BICRA: variants seen among roughly 807,000 people sequenced by gnomAD.
The protein encoded by BICRA is BRD4 interacting chromatin remodeling complex associated protein, also known as BRD4-interacting chromatin-remodeling complex-associated protein.
Under a neutral mutation model 96.9 loss-of-function variants are expected in BICRA, and 31 were observed. That is an observed-to-expected ratio of 0.32 (90% CI 0.24 to 0.43). The LOEUF (loss-of-function observed/expected upper bound fraction) is 0.43. BICRA is among the 20% of genes least tolerant of loss of function. The probability of loss-of-function intolerance (pLI) is 1.00; values close to 1 mark genes in which losing one functional copy is unlikely to be tolerated. For synonymous variants in BICRA, 1,350 were observed against 1,071.8 expected (o/e 1.26, Z -5.07); for missense variants, 2,283 against 2,190.3 (o/e 1.04, Z -0.84).
intron 1 of BICRA, among the ~76,000 whole-genome samples, chr19:47,620,840 T>C (rs2913990): frequency 0.2 from 29,677 of 151,906 alleles, 3,235 homozygotes; most frequent in Middle Eastern, 0.28. Flanking sequence ...GAGTAGTTCT[T>C]TTGCACAGGT....
chr19:47,699,287 T>C lies in BICRA; in HGVS notation c.3493-16T>C, dbSNP rs1349298912. 1 of 1,483,492 alleles carries C rather than the reference T, an allele frequency of 6.7e-7. No individual in the cohort carries two copies. Among genetic ancestry groups the C allele is most frequent in the Non-Finnish European group, 9.2e-7 (1 of 1,083,942 alleles). The allele number at this position is 1,483,492 out of a possible 1,614,324, so 91.9% of individuals were successfully genotyped here. ...CTTGCTGGTTCACTCGCACGTCGTCTTTTCCCCCACCCCAGAGGGTGAGCC... is the reference window on the plus strand; with the variant it reads ...CTTGCTGGTTCACTCGCACGTCGTCCTTTCCCCCACCCCAGAGGGTGAGCC... On this transcript the variant is annotated splice_polypyrimidine_tract_variant and intron_variant, in intron 13 of 14. Transcript: ENST00000594866. The surrounding 1 kb of genome is among the most constrained non-coding windows in gnomAD (Gnocchi z 5.0).
At chr19:47,610,868 C>T (rs1018098927) in intron 1 of BICRA, among the ~76,000 whole-genome samples, 4 of 152,128 alleles carry the variant, frequency 2.6e-5, no homozygotes, top group Non-Finnish European at 5.9e-5. Flanking sequence ...GCACCCCCTT[C>T]CCATGCACTG....
rs568021995 is a variant in BICRA at position 47,679,918 on chromosome 19, T to A, written c.748T>A (p.Ser250Thr). 6.6e-6 allele frequency: 10 copies of A among 1,519,894 alleles called. No individual in the cohort carries two copies. The East Asian group carries it at 2.6e-4, about 39-fold the overall frequency. The allele number at this position is 1,519,894 out of a possible 1,614,324, so 94.2% of individuals were successfully genotyped here. The change falls in exon 6 of 15, where the codon TCC becomes ACC. Residue 250 changes from serine (S) to threonine (T), a missense_variant. Transcript: ENST00000594866. ...CGTCATGGCGCTCAACACGCCCACC[T>A]CCCAGCTCCTGGCCAAGCAGGTGCC... The part of the protein sequence containing the change: ...QPVMALNTPT[S>T]QLLAKQVPVS...
chr19:47,685,659 T>C (rs558358786), intron 7 of BICRA, among the ~76,000 whole-genome samples: 1 of 151,914 alleles, frequency 6.6e-6, no homozygotes, highest in South Asian at 2.1e-4. Flanking sequence ...GTAAGAATAG[T>C]GGTTCCCTTA....
At position 47,619,003 on chromosome 19, in the gene BICRA, G is replaced by A. The variant is rs371817852; in HGVS notation, c.-108+9835G>A. The stretch of plus-strand genomic sequence containing the variant: ...GACTATAACCTCCATCACCTGGCAC[G>A]CATAGTGTCTCATTGACCTCAGACA... On this transcript the variant is annotated intron_variant, in intron 1 of 14. Coordinates refer to ENST00000594866, the MANE Select transcript of BICRA (RefSeq NM_001394372.1). 1.4e-4 allele frequency among the ~76,000 whole-genome samples: 21 copies of A among 152,244 alleles called. No individual in the cohort carries two copies. The East Asian group carries it at 2.9e-3, about 21-fold the overall frequency.
In BICRA at chr19:47,694,419, G is replaced by T. The variant is rs369274827; in HGVS notation, c.2588G>T (p.Arg863Leu). The change falls in exon 8 of 15, where the codon CGC becomes CTC. Residue 863 changes from arginine (R) to leucine (L), a missense_variant. Transcript: ENST00000594866. ...TAPGPPQPPLRPQSQPPEGPL... is the reference protein window; with the variant it reads ...TAPGPPQPPLLPQSQPPEGPL... The stretch of plus-strand genomic sequence containing the variant: ...CCAGGCCCGCCGCAGCCGCCTCTCC[G>T]CCCCCAGTCCCAGCCGCCTGAGGGA... 1.4e-6 allele frequency: 1 copy of T among 699,168 alleles called. No homozygotes were observed. The highest frequency in any genetic ancestry group is 2.1e-6 in the Non-Finnish European group (1 of 475,354). 43.3% of individuals were successfully genotyped at this position (699,168 alleles called of 1,614,324 possible).
At chr19:47,689,174 G>C (rs1338302538) in intron 7 of BICRA, among the ~76,000 whole-genome samples, 1 of 151,778 alleles carries the variant, frequency 6.6e-6, no homozygotes, top group African/African-American at 2.4e-5. Flanking sequence ...GTAATATTTT[G>C]GTATGAAGTT....
chr19:47,685,786 T>TGTGCGTGC, intron 7 of BICRA, among the ~76,000 whole-genome samples: 2 of 117,970 alleles, frequency 1.7e-5, no homozygotes, highest in East Asian at 3.5e-4. Context: ...TGTGTGTGTG[T>TGTGCGTGC]GCGCGCGCGC....
intron 1 of BICRA, among the ~76,000 whole-genome samples, chr19:47,668,169 G>T (rs1021866565): frequency 1.3e-5 from 2 of 152,186 alleles, no homozygotes; most frequent in African/African-American, 4.8e-5. Flanking sequence ...AGCAGAGGTT[G>T]CAGTGAGCCG....
At chr19:47,643,204 A>G (rs1972408626) in intron 1 of BICRA, among the ~76,000 whole-genome samples, 1 of 152,202 alleles carries the variant, frequency 6.6e-6, no homozygotes, top group African/African-American at 2.4e-5. Flanking sequence ...TCCTGACCTC[A>G]AGTGATCTGC....
At chr19:47,623,180 G>T (rs768078165) in intron 1 of BICRA, among the ~76,000 whole-genome samples, 3 of 151,616 alleles carry the variant, frequency 2.0e-5, no homozygotes, top group Non-Finnish European at 4.4e-5. Context: ...TCCCCTCCCC[G>T]TCAGCGACCT....
At chr19:47,683,854 G>A (rs1973104585) in intron 7 of BICRA, among the ~76,000 whole-genome samples, 1 of 152,216 alleles carries the variant, frequency 6.6e-6, no homozygotes, top group Admixed American at 6.5e-5. Context: ...AAAGTGCTGG[G>A]ATTATAGGCG....
chr19:47,630,292 C>G (rs970580147), intron 1 of BICRA, among the ~76,000 whole-genome samples: 5 of 151,644 alleles, frequency 3.3e-5, no homozygotes, highest in Non-Finnish European at 7.4e-5. Flanking sequence ...TTCTGAGTAG[C>G]TGGGACTATA....
chr19:47,688,976 T>A (rs531137910), intron 7 of BICRA, among the ~76,000 whole-genome samples: 1 of 151,944 alleles, frequency 6.6e-6, no homozygotes, highest in East Asian at 2.0e-4. Context: ...TACAGGCACA[T>A]GCCAGCAAGC....
chr19:47,659,017 A>G (rs1342049036), intron 1 of BICRA, among the ~76,000 whole-genome samples: 1 of 152,116 alleles, frequency 6.6e-6, no homozygotes, highest in Non-Finnish European at 1.5e-5. Flanking sequence ...TGTTTCTCAT[A>G]AGCCAGCATT....
chr19:47,633,144 G>A (rs368241215), intron 1 of BICRA, among the ~76,000 whole-genome samples: 5 of 141,960 alleles, frequency 3.5e-5, no homozygotes, highest in African/African-American at 1.1e-4. Context: ...GTGGTGGTGC[G>A]ATCTCAGCTC....
At chr19:47,669,501 A>T (rs1392805902) in intron 1 of BICRA, among the ~76,000 whole-genome samples, 1 of 152,064 alleles carries the variant, frequency 6.6e-6, no homozygotes, top group East Asian at 1.9e-4. Flanking sequence ...GTGCCAGTAA[A>T]TGACATAGTA....
intron 1 of BICRA, among the ~76,000 whole-genome samples, chr19:47,634,964 G>A (rs922737869): frequency 1.3e-5 from 2 of 151,728 alleles, no homozygotes; most frequent in Admixed American, 6.6e-5. Flanking sequence ...GGGTTTCACT[G>A]TGTTAGCCAA....
chr19:47,641,070 ATTTTTTTTTT>A (rs71180861), intron 1 of BICRA, among the ~76,000 whole-genome samples: 6 of 104,550 alleles, frequency 5.7e-5, no homozygotes, highest in Non-Finnish European at 1.1e-4. Flanking sequence ...TGCCTGGCTA[ATTTTTTTTTT>A]TTTTTTTTTT....
Sources: gnomAD v4.1 joint callset for allele counts (sites outside exome capture counted in the v4.1 genomes callset) on GRCh38, gnomAD v4.1.1 for gene constraint, Gnocchi (gnomAD v3.1) non-coding constraint, MANE v1.5 for transcripts, NCBI Gene and HGNC (gene_info 2026-07-23, HGNC 2026-07-21) for gene names.